The following ZNF536 variants were observed in gnomAD, a reference collection of about 807,000 sequenced individuals.
ZNF536 encodes the protein zinc finger protein 536.
ZNF536 carries 13 observed loss-of-function variants against 84.5 expected under a neutral mutation model. That is an observed-to-expected ratio of 0.15 (90% CI 0.10 to 0.24). ZNF536 has a LOEUF of 0.24. Ranked by LOEUF, ZNF536 falls within the 10% of genes least tolerant of loss-of-function variation. The pLI is 1.00. For synonymous variants in ZNF536, 811 were observed against 742.5 expected, an observed-to-expected ratio of 1.09 and a Z score of -1.50; for missense variants, 1,536 against 1,747.5, an observed-to-expected ratio of 0.88 and a Z score of 2.16.
chr19:30,436,391 C>T (rs1939871905), intron 1 of ZNF536: 1 of 581,374 alleles, frequency 1.7e-6, no homozygotes, highest in African/African-American at 2.0e-5. Context: ...ATAAACCACT[C>T]AGTATCCTGC....
At chr19:30,654,083 G>T (rs2049811817) in intron 1 of ZNF536, among the ~76,000 whole-genome samples, 1 of 152,142 alleles carries the variant, frequency 6.6e-6, no homozygotes, top group Non-Finnish European at 1.5e-5. Context: ...CTAATTAAAG[G>T]TCTTGAGATC....
upstream of ZNF536, among the ~76,000 whole-genome samples, chr19:30,368,152 C>G (rs576334515): frequency 1.3e-5 from 2 of 152,340 alleles, no homozygotes; most frequent in South Asian, 4.1e-4. Flanking sequence ...TATACTCCCC[C>G]ACTCTCTGCA....
chr19:30,513,370 G>T (rs999497732), intron 2 of ZNF536, among the ~76,000 whole-genome samples: 9 of 152,150 alleles, frequency 5.9e-5, no homozygotes, highest in Non-Finnish European at 7.3e-5. Context: ...CATCCCAGGT[G>T]CAACGACCCT....
intron 2 of ZNF536, among the ~76,000 whole-genome samples, chr19:30,454,751 G>T (rs1174212702): frequency 1.3e-5 from 2 of 152,094 alleles, no homozygotes; most frequent in Non-Finnish European, 2.9e-5. Context: ...TTCCACTTGG[G>T]ACCGGGTGTG....
chr19:30,616,560 T>C (rs2048301107), intron 1 of ZNF536, among the ~76,000 whole-genome samples: 1 of 152,246 alleles, frequency 6.6e-6, no homozygotes, highest in South Asian at 2.1e-4. Context: ...GCAATCTCCT[T>C]AAAAATGTTA....
chr19:30,474,067 T>C (rs1270907550), intron 2 of ZNF536, among the ~76,000 whole-genome samples: 1 of 152,186 alleles, frequency 6.6e-6, no homozygotes, highest in African/African-American at 2.4e-5. Flanking sequence ...AGTGAGACTT[T>C]TGTGATGTCT....
At chr19:30,699,250 T>C (rs1264754925) in intron 1 of ZNF536, among the ~76,000 whole-genome samples, 7 of 152,212 alleles carry the variant, frequency 4.6e-5, no homozygotes, top group Admixed American at 1.3e-4. Flanking sequence ...TAGAAACCAA[T>C]GTCACCACTT....
chr19:30,236,845 C>A (rs895565065), intron 1 of ZNF536, among the ~76,000 whole-genome samples: 4 of 152,114 alleles, frequency 2.6e-5, no homozygotes, highest in African/African-American at 9.7e-5. Flanking sequence ...GTATGCCCGG[C>A]ATGTTGGCAT....
At chr19:30,422,697 A>C (rs529983377) in intron 1 of ZNF536, among the ~76,000 whole-genome samples, 7 of 151,454 alleles carry the variant, frequency 4.6e-5, no homozygotes, top group Admixed American at 3.9e-4. Context: ...CCATCCTTCT[A>C]TCCTTCTATT....
intron 2 of ZNF536, among the ~76,000 whole-genome samples, chr19:30,507,547 A>G (rs10416521): frequency 0.033 from 5,025 of 152,290 alleles, 280 homozygotes; most frequent in African/African-American, 0.11. Flanking sequence ...ACAGAAACTT[A>G]GAGTTTGAAA....
intron 1 of ZNF536, chr19:30,665,426 T>G (rs2147642709): frequency 6.6e-6 from 1 of 152,386 alleles, no homozygotes; most frequent in Non-Finnish European, 1.5e-5. Context: ...GGGGGATGTT[T>G]CTATGTTGCT....
chr19:30,326,813 T>G (rs868518214), intron 2 of ZNF536, among the ~76,000 whole-genome samples: 13 of 139,254 alleles, frequency 9.3e-5, no homozygotes, highest in African/African-American at 1.4e-4. Flanking sequence ...TTTTTTTTTT[T>G]TTTTTGTTTT....
intron 2 of ZNF536, among the ~76,000 whole-genome samples, chr19:30,317,183 C>T (rs527569411): frequency 6.6e-6 from 1 of 152,362 alleles, no homozygotes; most frequent in East Asian, 1.9e-4. Context: ...ACACCTTGAA[C>T]CCAGCCCTGT....
chr19:30,495,549 G>A (rs2054684509), intron 2 of ZNF536, among the ~76,000 whole-genome samples: 2 of 152,208 alleles, frequency 1.3e-5, no homozygotes, highest in Admixed American at 6.5e-5. Flanking sequence ...CAGAATCATA[G>A]AATCATCTGA....
At chr19:30,592,760 A>G (rs1899826423) in intron 1 of ZNF536, among the ~76,000 whole-genome samples, 2 of 151,876 alleles carry the variant, frequency 1.3e-5, no homozygotes, top group South Asian at 2.1e-4. Context: ...GTTCACGGTT[A>G]TAGAAGGAAG....
chr19:30,677,905 G>A (rs1199348351), intron 1 of ZNF536, among the ~76,000 whole-genome samples: 4 of 152,086 alleles, frequency 2.6e-5, no homozygotes, highest in East Asian at 1.9e-4. Flanking sequence ...TGGGGTGAAC[G>A]GGAGGCACCC....
Position 30,445,275 on chromosome 19 carries a change from A to G in ZNF536, c.1713A>G (p.Ala571=). 1 of 1,614,226 alleles carries G rather than the reference A, an allele frequency of 6.2e-7. No individual in the cohort carries two copies. Among genetic ancestry groups the G allele is most frequent in the Non-Finnish European group, 8.5e-7 (1 of 1,180,042 alleles). The stretch of plus-strand genomic sequence containing the variant: ...AGCGGGAGTACGTGTTAGTGGGAGC[A>G]GATGGCTCCAAGCAGAAAATGCCTG... ...KEKREYVLVG[A]DGSKQKMPAD... Residue 571 remains alanine, a synonymous_variant, in exon 2 of 5, where the codon GCA becomes GCG. Coordinates refer to ENST00000355537, the MANE Select transcript of ZNF536 (RefSeq NM_014717.3). The surrounding 1 kb of genome is among the most constrained non-coding windows in gnomAD (Gnocchi z 4.5).
At chr19:30,354,682 C>T (rs965501232) in intron 3 of ZNF536, among the ~76,000 whole-genome samples, 1 of 152,152 alleles carries the variant, frequency 6.6e-6, no homozygotes, top group East Asian at 1.9e-4. Context: ...ATTTCTGGGT[C>T]ACATGAACTG....
At chr19:30,632,670 C>T (rs750352308) in intron 1 of ZNF536, among the ~76,000 whole-genome samples, 2 of 151,730 alleles carry the variant, frequency 1.3e-5, no homozygotes, top group Non-Finnish European at 2.9e-5. Context: ...AACCAACCAA[C>T]CAACCAACCA....
Sources: allele counts gnomAD v4.1 joint callset (sites outside exome capture counted in the v4.1 genomes callset), GRCh38; gene constraint gnomAD v4.1.1; non-coding constraint Gnocchi (gnomAD v3.1); transcripts MANE v1.5; gene names NCBI Gene and HGNC (gene_info 2026-07-23, HGNC 2026-07-21).